Variants in MCTP1 observed in about 807,000 individuals in gnomAD.
The protein encoded by MCTP1 is multiple C2 and transmembrane domain containing 1.
MCTP1 carries 69 observed loss-of-function variants against 120.6 expected under a neutral mutation model. The observed-to-expected ratio is 0.57, with a 90% CI of 0.47 to 0.70. The LOEUF is 0.70. Among genes scored for constraint, MCTP1 ranks in the 30% least tolerant of loss-of-function variants. MCTP1 has a pLI of 0.00. For missense variants in MCTP1, 1,203 were observed against 1,248.8 expected (o/e 0.96, Z 0.55); for synonymous variants, 529 against 493.1 (o/e 1.07, Z -0.96).
At chr5:95,044,245 A>G (rs1484193816) in intron 1 of MCTP1, among the ~76,000 whole-genome samples, 1 of 152,198 alleles carries the variant, frequency 6.6e-6, no homozygotes, top group Non-Finnish European at 1.5e-5. Flanking sequence ...AATGGAACGA[A>G]TTTCTTTTCA....
chr5:95,095,244 C>T (rs1157744078), intron 1 of MCTP1, among the ~76,000 whole-genome samples: 2 of 151,542 alleles, frequency 1.3e-5, no homozygotes, highest in South Asian at 2.1e-4. Flanking sequence ...AGGATGGTCT[C>T]GATCTCCTGA....
intron 1 of MCTP1, among the ~76,000 whole-genome samples, chr5:95,250,767 T>C (rs1258059578): frequency 6.6e-6 from 1 of 152,224 alleles, no homozygotes; most frequent in Non-Finnish European, 1.5e-5. Context: ...ATATTTTCAT[T>C]TTCTACTTTT....
chr5:94,804,754 TA>T (rs1781959303), intron 17 of MCTP1, among the ~76,000 whole-genome samples: 1 of 152,198 alleles, frequency 6.6e-6, no homozygotes, highest in Non-Finnish European at 1.5e-5. Flanking sequence ...TTTCAAATTA[TA>T]AATTAATTTT....
chr5:95,028,329 A>C (rs1250210093), intron 1 of MCTP1, among the ~76,000 whole-genome samples: 1 of 152,172 alleles, frequency 6.6e-6, no homozygotes, highest in Non-Finnish European at 1.5e-5. Context: ...TCTGGTCATA[A>C]CAAAGCTTTA....
At chr5:95,141,152 G>T (rs1759903229) in intron 1 of MCTP1, among the ~76,000 whole-genome samples, 1 of 152,144 alleles carries the variant, frequency 6.6e-6, no homozygotes, top group African/African-American at 2.4e-5. Context: ...AGCTTACTCA[G>T]GCTTATTAAC....
At chr5:95,152,084 TTAAAATC>T (rs1259423368) in intron 1 of MCTP1, among the ~76,000 whole-genome samples, 1 of 152,172 alleles carries the variant, frequency 6.6e-6, no homozygotes, top group Non-Finnish European at 1.5e-5. Flanking sequence ...AAACCAGTGT[TTAAAATC>T]TAAAGTCATT....
intron 1 of MCTP1, among the ~76,000 whole-genome samples, chr5:95,129,203 G>A (rs760218016): frequency 3.0e-4 from 45 of 152,334 alleles, no homozygotes; most frequent in Non-Finnish European, 5.6e-4. Context: ...ACATCTCACA[G>A]AAGAGGGATA....
chr5:94,988,983 C>T (rs184369795), intron 2 of MCTP1, among the ~76,000 whole-genome samples: 2 of 152,250 alleles, frequency 1.3e-5, no homozygotes, highest in South Asian at 2.1e-4. Flanking sequence ...ACTATCTCCA[C>T]CTGCTCCCTC....
chr5:95,074,525 A>AT (rs1445033089), intron 1 of MCTP1, among the ~76,000 whole-genome samples: 3 of 152,248 alleles, frequency 2.0e-5, no homozygotes, highest in Non-Finnish European at 4.4e-5. Context: ...AATAATTTGT[A>AT]TTTATGAAGT....
At chr5:95,235,303 A>G (rs533456294) in intron 1 of MCTP1, among the ~76,000 whole-genome samples, 1 of 151,892 alleles carries the variant, frequency 6.6e-6, no homozygotes, top group African/African-American at 2.4e-5. Context: ...CAAATAATAA[A>G]AAGAAACTCC....
At chr5:95,244,852 C>T (rs1271839083) in intron 1 of MCTP1, among the ~76,000 whole-genome samples, 3 of 152,296 alleles carry the variant, frequency 2.0e-5, no homozygotes, top group South Asian at 4.1e-4. Context: ...CTCAGCATGG[C>T]GTTTGAGCTC....
chr5:95,130,757 C>T (rs189516294), intron 1 of MCTP1, among the ~76,000 whole-genome samples: 3 of 152,124 alleles, frequency 2.0e-5, no homozygotes, highest in East Asian at 1.9e-4. Flanking sequence ...TTATCACCTA[C>T]CCTAATGACT....
intron 1 of MCTP1, among the ~76,000 whole-genome samples, chr5:95,169,417 A>G (rs1746908862): frequency 6.6e-6 from 1 of 152,186 alleles, no homozygotes; most frequent in Admixed American, 6.5e-5. Flanking sequence ...TCATAAAATG[A>G]GTTAGGGAGG....
At chr5:95,271,335 TC>T (rs1330581531) in intron 1 of MCTP1, among the ~76,000 whole-genome samples, 1 of 152,212 alleles carries the variant, frequency 6.6e-6, no homozygotes. Flanking sequence ...GGCTCTGCTG[TC>T]TCAGATCCAT....
At chr5:95,013,176 A>T (rs1836374912) in intron 2 of MCTP1, among the ~76,000 whole-genome samples, 2 of 152,054 alleles carry the variant, frequency 1.3e-5, no homozygotes. Context: ...AAAGTCCCTA[A>T]CTCTCTTCAA....
chr5:94,966,518 G>A (rs550716677), intron 2 of MCTP1, among the ~76,000 whole-genome samples: 126 of 152,156 alleles, frequency 8.3e-4, no homozygotes, highest in African/African-American at 2.9e-3. Flanking sequence ...GTGGCTGGCC[G>A]GACGCGGTGG....
chr5:94,954,049 T>C, intron 2 of MCTP1, among the ~76,000 whole-genome samples: 1 of 96,826 alleles, frequency 1.0e-5, no homozygotes, highest in East Asian at 2.4e-4. Flanking sequence ...TATATATGCA[T>C]ATATATACAA....
At chr5:94,727,709 A>C (rs1203198377) in intron 19 of MCTP1, among the ~76,000 whole-genome samples, 1 of 152,206 alleles carries the variant, frequency 6.6e-6, no homozygotes, top group Non-Finnish European at 1.5e-5. Context: ...ACTTGAATCC[A>C]CCAAATGAGA....
chr5:94,996,988 G>A (rs921528900), intron 2 of MCTP1, among the ~76,000 whole-genome samples: 1 of 152,136 alleles, frequency 6.6e-6, no homozygotes, highest in Non-Finnish European at 1.5e-5. Flanking sequence ...GGCTAACAGA[G>A]GAGATGGACT....
Sources: allele counts gnomAD v4.1 joint callset (sites outside exome capture counted in the v4.1 genomes callset), GRCh38; gene constraint gnomAD v4.1.1; transcripts MANE v1.5; gene names NCBI Gene and HGNC (gene_info 2026-07-23, HGNC 2026-07-21).